POC1B: variants seen among roughly 807,000 people sequenced by gnomAD.
POC1B encodes POC1 centriolar protein B.
A neutral mutation model predicts 60.6 loss-of-function variants in POC1B; 44 were observed. The observed-to-expected ratio is 0.73, with a 90% CI of 0.57 to 0.93. POC1B has a LOEUF of 0.93. Ranked by LOEUF, POC1B falls within the 40% of genes least tolerant of loss-of-function variation. The pLI is 0.00. For missense variants in POC1B, 555 were observed against 572.3 expected (o/e 0.97, Z 0.31); for synonymous variants, 180 against 198.9 (o/e 0.90, Z 0.80).
rs527305245 is a variant in POC1B at position 89,496,977 on chromosome 12, T to C, written c.272+194A>G. On this transcript the variant is annotated intron_variant, in intron 3 of 11. Coordinates refer to ENST00000313546, the MANE Select transcript of POC1B (RefSeq NM_172240.3). ...TTAAGCATATTTCCATGGTAGGAAA[T>C]AGTTTTCAAAAAGAAGACATAATTT... 4.2e-5 allele frequency: 25 copies of C among 596,110 alleles called. No individual in the cohort carries two copies. In the East Asian group the frequency reaches 5.4e-4, roughly 13 times the overall value. The allele number at this position is 596,110 out of a possible 1,614,324, so 36.9% of individuals were successfully genotyped here.
the POC1B span, among the ~76,000 whole-genome samples, chr12:89,408,867 ATGACCAG>A: frequency 6.6e-6 from 1 of 152,130 alleles, no homozygotes; most frequent in Non-Finnish European, 1.5e-5. Flanking sequence ...CATTTCTCTA[ATGACCAG>A]TGATGATGAG....
chr12:89,403,931 G>C, the POC1B span, among the ~76,000 whole-genome samples: 1 of 152,050 alleles, frequency 6.6e-6, no homozygotes, highest in African/African-American at 2.4e-5. Flanking sequence ...TCTGCAGTTC[G>C]AGACCTGCCT....
chr12:89,484,136 C>G (rs74543833), intron 4 of POC1B, among the ~76,000 whole-genome samples: 3,363 of 151,946 alleles, frequency 0.022, 101 homozygotes, highest in African/African-American at 0.072. Context: ...ACAAAAAAGA[C>G]AAAGAGTAAA....
intron 10 of POC1B, among the ~76,000 whole-genome samples, chr12:89,444,184 G>C (rs759586953): frequency 3.9e-5 from 6 of 152,158 alleles, no homozygotes; most frequent in Non-Finnish European, 7.3e-5. Flanking sequence ...GTACAAAAAG[G>C]AGCTGGTACC....
intron 4 of POC1B, among the ~76,000 whole-genome samples, chr12:89,480,817 G>C (rs1883304688): frequency 6.6e-6 from 1 of 152,116 alleles, no homozygotes; most frequent in Non-Finnish European, 1.5e-5. Flanking sequence ...AGCCAGGATG[G>C]TCTCGATCTC....
rs146485347 is a variant in POC1B, at chr12:89,507,468, A to T, written c.101-10126T>A. On this transcript the variant is annotated intron_variant, in intron 2 of 11. Coordinates refer to ENST00000313546, the MANE Select transcript of POC1B (RefSeq NM_172240.3). ...ATACATTTCCATTAAACCACACCCT[A>T]TATAAACATTACCACATAATTTAAA... Among the ~76,000 whole-genome samples the T allele has an allele frequency of 2.0e-5, 3 of 152,282 alleles. No homozygotes were observed. In the East Asian group the frequency reaches 5.8e-4, roughly 29 times the overall value.
intron 10 of POC1B, among the ~76,000 whole-genome samples, chr12:89,449,918 A>T: frequency 6.6e-6 from 1 of 152,182 alleles, no homozygotes; most frequent in Non-Finnish European, 1.5e-5. Context: ...TATTCAAATC[A>T]GTGAAACAAT....
At chr12:89,522,263 T>A (rs1399846881) in intron 2 of POC1B, 1 of 398,050 alleles carries the variant, frequency 2.5e-6, no homozygotes, top group African/African-American at 2.1e-5. Context: ...ATTACACATA[T>A]CTCTAAAACC....
intron 2 of POC1B, among the ~76,000 whole-genome samples, chr12:89,506,777 C>A (rs755032450): frequency 6.6e-6 from 1 of 152,082 alleles, no homozygotes; most frequent in Non-Finnish European, 1.5e-5. Context: ...TGGCCCTGGG[C>A]CCAAGAGAGA....
rs760330543 is a variant in POC1B at position 89,525,144 on chromosome 12, G to C, written c.76C>G (p.Leu26Val). Residue 26 changes from leucine (L) to valine (V), a missense_variant, in exon 2 of 12, where the codon CTC becomes GTC. Transcript: ENST00000313546. ...GHKAAITSLDLSPNGKQLATA... is the reference protein window; with the variant it reads ...GHKAAITSLDVSPNGKQLATA... The stretch of plus-strand genomic sequence containing the variant: ...CCAAGTTGCTTGCCGTTGGGGCTGA[G>C]GTCCAAGGAGGTGATCGCAGCTTTG... The C allele has an allele frequency of 1.9e-6, 3 of 1,613,948 alleles. No homozygotes were observed. In the African/African-American group the frequency reaches 4.0e-5, roughly 22 times the overall value.
intron 4 of POC1B, among the ~76,000 whole-genome samples, chr12:89,473,602 A>C (rs1054992719): frequency 6.8e-6 from 1 of 146,466 alleles, no homozygotes; most frequent in Non-Finnish European, 1.5e-5. Flanking sequence ...CAGAGGTTGC[A>C]GTAAGCTGCG....
At chr12:89,502,245 C>A in intron 2 of POC1B, 2 of 1,390,960 alleles carry the variant, frequency 1.4e-6, no homozygotes, top group South Asian at 1.2e-5. Context: ...GTTCAGATGA[C>A]TCAAAACGAA....
At chr12:89,501,314 C>G (rs1869554701) in intron 2 of POC1B, 1 of 999,690 alleles carries the variant, frequency 1.0e-6, no homozygotes, top group Admixed American at 1.8e-5. Context: ...GAAATGTATT[C>G]CAAGAATGCA....
intron 10 of POC1B, among the ~76,000 whole-genome samples, chr12:89,457,704 T>C (rs997985434): frequency 1.3e-5 from 2 of 152,242 alleles, no homozygotes; most frequent in Non-Finnish European, 2.9e-5. Flanking sequence ...TCATTGATAT[T>C]AGACTGTTTT....
chr12:89,514,139 T>C (rs1870321928), intron 2 of POC1B, among the ~76,000 whole-genome samples: 1 of 152,078 alleles, frequency 6.6e-6, no homozygotes, highest in Non-Finnish European at 1.5e-5. Flanking sequence ...AGGGACATGA[T>C]TGGATCATAG....
chr12:89,486,295 G>A (rs1347542922), intron 4 of POC1B, among the ~76,000 whole-genome samples: 2 of 152,190 alleles, frequency 1.3e-5, no homozygotes, highest in Non-Finnish European at 2.9e-5. Context: ...GAAGGGCAAT[G>A]TGGTGGCATA....
At chr12:89,407,829 T>C in the POC1B span, among the ~76,000 whole-genome samples, 1 of 152,190 alleles carries the variant, frequency 6.6e-6, no homozygotes, top group African/African-American at 2.4e-5. Context: ...TATTATACTT[T>C]AAGTTCTGGG....
At chr12:89,483,841 A>G (rs1027499093) in intron 4 of POC1B, among the ~76,000 whole-genome samples, 2 of 118,716 alleles carry the variant, frequency 1.7e-5, no homozygotes, top group Non-Finnish European at 3.7e-5. Flanking sequence ...AAAAGAAATG[A>G]TATCAGATGG....
Position 89,499,994 on chromosome 12 carries a change from C to G in POC1B, c.101-2652G>C. ...CTTAAGGGTGTTGCTTGGCCGCCGC[C>G]TGGTAGTCCGGCGATTCATTTCTTG... On this transcript the variant is annotated intron_variant, in intron 2 of 11. Coordinates refer to ENST00000313546, the MANE Select transcript of POC1B (RefSeq NM_172240.3). 3.6e-6 allele frequency: 3 copies of G among 838,542 alleles called. No individual in the cohort carries two copies. The South Asian group carries it at 4.4e-5, about 12-fold the overall frequency. 51.9% of individuals were successfully genotyped at this position (838,542 alleles called of 1,614,324 possible). A position where few individuals can be genotyped will look rare whatever the true frequency, so the allele number is the denominator to read the frequency against.
Sources: gnomAD v4.1 joint callset for allele counts (sites outside exome capture counted in the v4.1 genomes callset) on GRCh38, gnomAD v4.1.1 for gene constraint, MANE v1.5 for transcripts, NCBI Gene and HGNC (gene_info 2026-07-23, HGNC 2026-07-21) for gene names.